Variants in ATP9B observed in about 807,000 individuals in gnomAD.
ATP9B encodes ATPase phospholipid transporting 9B.
Under a neutral mutation model 146.1 loss-of-function variants are expected in ATP9B, and 110 were observed. The ratio of observed to expected loss-of-function variants is 0.75; its 90% confidence interval spans 0.65 to 0.88. ATP9B has a LOEUF of 0.88. Among genes scored for constraint, ATP9B ranks in the 40% least tolerant of loss-of-function variants. The pLI is 0.00. For synonymous variants in ATP9B, 604 were observed against 569.7 expected, an observed-to-expected ratio of 1.06 and a Z score of -0.86; for missense variants, 1,499 against 1,496.4, an observed-to-expected ratio of 1.00 and a Z score of -0.03.
At chr18:79,179,647 A>G (rs1463557123) in intron 8 of ATP9B, among the ~76,000 whole-genome samples, 1 of 152,164 alleles carries the variant, frequency 6.6e-6, no homozygotes, top group African/African-American at 2.4e-5. Context: ...TCTTATGGTC[A>G]TAGAACATAT....
intron 26 of ATP9B, chr18:79,360,793 ATCATCGTGACTACT>A (rs2096983410): frequency 6.6e-5 from 10 of 152,380 alleles, no homozygotes; most frequent in Admixed American, 5.9e-4. Context: ...TCATGGTGGC[ATCATCGTGACTACT>A]GGGAAGCATC....
At chr18:79,153,504 G>GC (rs1280760540) in intron 6 of ATP9B, among the ~76,000 whole-genome samples, 3 of 152,132 alleles carry the variant, frequency 2.0e-5, no homozygotes, top group Non-Finnish European at 4.4e-5. Flanking sequence ...TGTGGGCATT[G>GC]CAGGACCACA....
At chr18:79,111,033 T>G (rs2075973238) in intron 3 of ATP9B, among the ~76,000 whole-genome samples, 1 of 152,214 alleles carries the variant, frequency 6.6e-6, no homozygotes, top group African/African-American at 2.4e-5. Context: ...TATTGTTATA[T>G]CGTTAGTTAT....
chr18:79,376,749 C>T (rs1311466577), intron 29 of ATP9B, among the ~76,000 whole-genome samples: 2 of 146,158 alleles, frequency 1.4e-5, no homozygotes, highest in African/African-American at 5.1e-5. Flanking sequence ...GGCTGGAGTG[C>T]AGTGGCGTGA....
At chr18:79,276,035 G>A (rs9958999) in intron 12 of ATP9B, among the ~76,000 whole-genome samples, 23,231 of 152,132 alleles carry the variant, frequency 0.15, 1,851 homozygotes, top group Admixed American at 0.2. Flanking sequence ...CATTTTGCTG[G>A]GTCAAAAATG....
chr18:79,143,809 G>T lies in ATP9B; in HGVS notation c.675G>T (p.Val225=), dbSNP rs374774857. ...LYSKLTVRGK[V]QVKSSDIQVG... is the part of the protein sequence containing the mutation. ...ACTTCTTCTTTTTTTAAGGTAAAGT[G>T]CAAGTTAAGAGTTCAGACATACAAG... The change falls in exon 6 of 30, where the codon GTG becomes GTT. Residue 225 remains valine, a synonymous_variant. Transcript: ENST00000426216. 6.3e-7 allele frequency: 1 copy of T among 1,577,448 alleles called. No individual in the cohort carries two copies. Among genetic ancestry groups the T allele is most frequent in the Non-Finnish European group, 8.6e-7 (1 of 1,164,772 alleles).
intron 23 of ATP9B, 42 bp downstream of exon 23, chr18:79,345,881 A>G: frequency 6.2e-7 from 1 of 1,605,180 alleles, no homozygotes; most frequent in Non-Finnish European, 8.5e-7. Flanking sequence ...CACAGTCAGC[A>G]CACATCAACA....
At chr18:79,076,473 T>C (rs906201900) in intron 1 of ATP9B, among the ~76,000 whole-genome samples, 4 of 152,308 alleles carry the variant, frequency 2.6e-5, no homozygotes, top group South Asian at 2.1e-4. Context: ...AAAAGTGTTA[T>C]GCCACTTCTT....
intron 17 of ATP9B, among the ~76,000 whole-genome samples, chr18:79,335,250 A>G (rs892217951): frequency 1.3e-5 from 2 of 152,180 alleles, no homozygotes; most frequent in Non-Finnish European, 2.9e-5. Context: ...GGCAGCGTCA[A>G]CCTCGTGTGG....
chr18:79,283,162 G>T (rs901009944), intron 13 of ATP9B, among the ~76,000 whole-genome samples: 1 of 152,118 alleles, frequency 6.6e-6, no homozygotes, highest in Non-Finnish European at 1.5e-5. Context: ...CTTTTGCTCT[G>T]CCCTTCAGTG....
Position 79,075,605 on chromosome 18 carries a change from A to G in ATP9B, c.119+6076A>G, listed in dbSNP as rs115392061. ...TTTTCTGCTCTGAAATCTTCATCTG[A>G]CACTAATATAGCTACCTCTGCTTTC... On this transcript the variant is annotated intron_variant, in intron 1 of 29. Transcript: ENST00000426216. Among the ~76,000 whole-genome samples, 742 of 152,230 alleles carry G rather than the reference A, an allele frequency of 4.9e-3. 5 individuals are homozygous for G. Among genetic ancestry groups the G allele is most frequent in the South Asian group, 0.024 (118 of 4,826 alleles).
At chr18:79,280,865 A>G (rs370546062) in intron 13 of ATP9B, among the ~76,000 whole-genome samples, 11 of 152,352 alleles carry the variant, frequency 7.2e-5, no homozygotes, top group African/African-American at 2.6e-4. Context: ...ATTGAAGTAT[A>G]TACTTTTAAA....
At chr18:79,272,665 A>C (rs1258520404) in intron 12 of ATP9B, among the ~76,000 whole-genome samples, 1 of 151,864 alleles carries the variant, frequency 6.6e-6, no homozygotes, top group East Asian at 1.9e-4. Flanking sequence ...CCTCTCCCTG[A>C]GCCCTCTCCA....
rs185930487 is a variant in ATP9B at position 79,141,222 on chromosome 18, C to T, written c.668-2580C>T. 1.1e-3 allele frequency among the ~76,000 whole-genome samples: 175 copies of T among 152,264 alleles called. 1 individual carries two copies. Among genetic ancestry groups the T allele is most frequent in the African/African-American group, 4.0e-3 (166 of 41,534 alleles). On this transcript the variant is annotated intron_variant, in intron 5 of 29. Coordinates refer to ENST00000426216, the MANE Select transcript of ATP9B (RefSeq NM_198531.5). ...AAGGGGCTTTTCTCCCTTTGCTCGG[C>T]ACTTCTCATTGCTGCCACCATGTGA... is the stretch of plus-strand genomic sequence containing the variant.
chr18:79,203,815 G>A lies in ATP9B; in HGVS notation c.955-3122G>A, dbSNP rs767038883. The stretch of plus-strand genomic sequence containing the variant: ...AGGTAAAGGATATACCGTGTCAACC[G>A]TATCTGGGAAGTAGGAATGAGGATG... On this transcript the variant is annotated intron_variant, in intron 9 of 29. Transcript: ENST00000426216. 9.3e-4 allele frequency among the ~76,000 whole-genome samples: 142 copies of A among 152,280 alleles called. 3 individuals carry two copies. The highest frequency in any genetic ancestry group is 3.5e-4 in the Non-Finnish European group (24 of 68,024).
intron 15 of ATP9B, among the ~76,000 whole-genome samples, chr18:79,308,795 C>T (rs1455643200): frequency 4.8e-5 from 5 of 103,658 alleles, no homozygotes; most frequent in East Asian, 2.8e-4. Flanking sequence ...AGGAGTGATC[C>T]CCAGCAGGTA....
chr18:79,370,877 T>C (rs1434675567), intron 26 of ATP9B, among the ~76,000 whole-genome samples: 1 of 152,224 alleles, frequency 6.6e-6, no homozygotes, highest in Non-Finnish European at 1.5e-5. Context: ...AAGCCTTTTC[T>C]TTCTTATGTC....
intron 11 of ATP9B, among the ~76,000 whole-genome samples, chr18:79,226,816 C>G (rs1361598450): frequency 2.6e-5 from 4 of 152,114 alleles, no homozygotes; most frequent in Non-Finnish European, 5.9e-5. Flanking sequence ...GCTCTGGTAG[C>G]GTAGAGACTG....
intron 15 of ATP9B, among the ~76,000 whole-genome samples, chr18:79,315,616 C>T (rs973756353): frequency 1.3e-5 from 2 of 152,132 alleles, no homozygotes; most frequent in Non-Finnish European, 2.9e-5. Flanking sequence ...AAATTTCTTC[C>T]TAGCTTTTAA....
Sources: allele counts gnomAD v4.1 joint callset (sites outside exome capture counted in the v4.1 genomes callset), GRCh38; gene constraint gnomAD v4.1.1; transcripts MANE v1.5; gene names NCBI Gene and HGNC (gene_info 2026-07-23, HGNC 2026-07-21).